The following UBE2J2 variants were observed in gnomAD, a reference collection of about 807,000 sequenced individuals.
UBE2J2 encodes ubiquitin-conjugating enzyme E2 J2.
UBE2J2 carries 5 observed loss-of-function variants against 28.6 expected under a neutral mutation model. That is an observed-to-expected ratio of 0.17 (90% confidence interval 0.09 to 0.37). The LOEUF is 0.37. UBE2J2 is among the 10% of genes least tolerant of loss of function. The pLI is 1.00. For missense variants in UBE2J2, 226 were observed against 338.9 expected (o/e 0.67, Z 2.62); for synonymous variants, 138 against 139.7 (o/e 0.99, Z 0.09).
chr1:1,266,018 T>C, intron 2 of UBE2J2: 1 of 1,290,944 alleles, frequency 7.7e-7, no homozygotes. Flanking sequence ...CACAGATTTG[T>C]GGGGAGGGAT....
chr1:1,263,416 T>C lies in UBE2J2; in HGVS notation c.132-30A>G, dbSNP rs778729792. On this transcript the variant is annotated intron_variant, in intron 2 of 6. Transcript: ENST00000349431. ...GGGAGAGAAGAAAATTACTTGGGAT[T>C]TGAGGACAGCAAATTCTCCAAAATC... The C allele has an allele frequency of 1.9e-6, 3 of 1,602,198 alleles. No homozygotes were observed. The Admixed American group carries it at 5.0e-5, about 27-fold the overall frequency.
chr1:1,257,902 G>A (rs1270495041), intron 3 of UBE2J2, among the ~76,000 whole-genome samples: 2 of 151,956 alleles, frequency 1.3e-5, no homozygotes, highest in African/African-American at 2.4e-5. Context: ...CCCTGGATTC[G>A]GGCCTCATTC....
rs1283814545 is a variant in UBE2J2 at position 1,254,100 on chromosome 1, C to T, written c.*1103G>A. Reference sequence around the variant, plus strand: ...GGGTTTCTTGCCGGCGGCCGTGCCCCACCTCGACGCGATGCACCTGCGGTA... The same window carrying T: ...GGGTTTCTTGCCGGCGGCCGTGCCCTACCTCGACGCGATGCACCTGCGGTA... On this transcript the variant is annotated 3_prime_UTR_variant, in exon 7 of 7. Coordinates refer to ENST00000349431, the MANE Select transcript of UBE2J2 (RefSeq NM_058167.3). 1.3e-5 allele frequency: 2 copies of T among 152,210 alleles called. No homozygotes were observed. Among genetic ancestry groups the T allele is most frequent in the Non-Finnish European group, 2.9e-5 (2 of 68,032 alleles). The allele number at this position is 152,210 out of a possible 1,614,324, so 9.4% of individuals were successfully genotyped here.
At position 1,267,832 on chromosome 1, in the gene UBE2J2, C is replaced by T. The variant is rs551137532; in HGVS notation, c.131+30G>A. 280 of 1,611,690 alleles carry T rather than the reference C, an allele frequency of 1.7e-4. No homozygotes were observed. In the South Asian group the frequency reaches 2.2e-3, roughly 12 times the overall value. On this transcript the variant is annotated intron_variant, in intron 2 of 6. Transcript: ENST00000349431. ...AGGCCTGCGTGGCAGCGACAGTCAG[C>T]GCAGGGCGATCAGTGGCGCGGAGCC...
Position 1,266,560 on chromosome 1 carries a change from G to A in UBE2J2, c.131+1302C>T, listed in dbSNP as rs192935756. Among the ~76,000 whole-genome samples, 828 of 152,162 alleles carry A rather than the reference G, an allele frequency of 5.4e-3. 6 individuals are homozygous for A. Among genetic ancestry groups the A allele is most frequent in the Middle Eastern group, 0.02 (6 of 294 alleles). ...AATAAGGCCGGGCGTGGTGGCTCAC[G>A]CCTGTAATCCCAGCATTCTGGGAGG... On this transcript the variant is annotated intron_variant, in intron 2 of 6. Transcript: ENST00000349431.
chr1:1,270,573 T>A (rs1272452304), intron 1 of UBE2J2, among the ~76,000 whole-genome samples: 1 of 152,130 alleles, frequency 6.6e-6, no homozygotes, highest in African/African-American at 2.4e-5. Flanking sequence ...ACTCTCATTA[T>A]CTTCTCTAAC....
chr1:1,260,763 G>C (rs987692069), intron 3 of UBE2J2, among the ~76,000 whole-genome samples: 3 of 152,240 alleles, frequency 2.0e-5, no homozygotes, highest in Admixed American at 1.3e-4. Context: ...CATCACTGGG[G>C]TAAGTCTTGA....
intron 3 of UBE2J2, among the ~76,000 whole-genome samples, chr1:1,260,503 G>A (rs114569858): frequency 0.014 from 2,119 of 152,308 alleles, 17 homozygotes; most frequent in Admixed American, 0.026. Context: ...CACCTATCGG[G>A]AAGCCCCAGA....
At chr1:1,259,249 A>C (rs1639407853) in intron 3 of UBE2J2, among the ~76,000 whole-genome samples, 1 of 149,880 alleles carries the variant, frequency 6.7e-6, no homozygotes, top group South Asian at 2.1e-4. Context: ...TCTGCATGCC[A>C]TCAGGACACG....
chr1:1,256,463 G>A, intron 5 of UBE2J2: 1 of 275,246 alleles, frequency 3.6e-6, no homozygotes, highest in South Asian at 4.1e-5. Flanking sequence ...GGGTGTGGAT[G>A]AGGCTGGATG....
intron 2 of UBE2J2, among the ~76,000 whole-genome samples, chr1:1,265,045 C>T (rs189989619): frequency 6.6e-6 from 1 of 152,168 alleles, no homozygotes; most frequent in Non-Finnish European, 1.5e-5. Flanking sequence ...GAGCTCAGCA[C>T]GCGATGCACC....
intron 1 of UBE2J2, among the ~76,000 whole-genome samples, chr1:1,269,784 C>T (rs532636481): frequency 2.0e-5 from 3 of 152,232 alleles, no homozygotes; most frequent in South Asian, 4.2e-4. Context: ...GATTTAATAA[C>T]GTCTGTGGAC....
chr1:1,254,469 C>T lies in UBE2J2; in HGVS notation c.*734G>A, dbSNP rs2101020520. ...TCTGCAGGTACCCAAGGCCCCCCAGCCTGCAGCACCGAGGGGCGCCCAGGA... is the reference window on the plus strand; with the variant it reads ...TCTGCAGGTACCCAAGGCCCCCCAGTCTGCAGCACCGAGGGGCGCCCAGGA... On this transcript the variant is annotated 3_prime_UTR_variant, in exon 7 of 7. Transcript: ENST00000349431. The T allele has an allele frequency of 6.6e-6, 1 of 152,382 alleles. No homozygotes were observed. The highest frequency in any genetic ancestry group is 2.1e-4 in the South Asian group (1 of 4,830). The allele number at this position is 152,382 out of a possible 1,614,324, so 9.4% of individuals were successfully genotyped here.
chr1:1,260,431 C>A (rs1286464951), intron 3 of UBE2J2, among the ~76,000 whole-genome samples: 1 of 152,162 alleles, frequency 6.6e-6, no homozygotes, highest in Non-Finnish European at 1.5e-5. Context: ...ACCCTGCTGC[C>A]TCACTGCGTG....
chr1:1,256,975 G>A lies in UBE2J2; in HGVS notation c.414+17C>T, dbSNP rs1245810459. On this transcript the variant is annotated intron_variant, in intron 5 of 6. Coordinates refer to ENST00000349431, the MANE Select transcript of UBE2J2 (RefSeq NM_058167.3). Reference sequence around the variant, plus strand: ...CACAAGGCTGACGGCCCACCAGGGAGAGGCTCTAAAACTTACCGTGAAGTC... The same window carrying A: ...CACAAGGCTGACGGCCCACCAGGGAAAGGCTCTAAAACTTACCGTGAAGTC... The A allele has an allele frequency of 1.3e-6, 2 of 1,482,906 alleles. No individual in the cohort carries two copies. The highest frequency in any genetic ancestry group is 1.4e-5 in the African/African-American group (1 of 69,026). 91.9% of individuals were successfully genotyped at this position (1,482,906 alleles called of 1,614,324 possible).
intron 2 of UBE2J2, chr1:1,265,982 G>C: frequency 6.0e-6 from 7 of 1,169,810 alleles, no homozygotes; most frequent in South Asian, 1.4e-5. Context: ...CATCGAACCT[G>C]CACCGGGACT....
chr1:1,265,826 G>T (rs968530284), intron 2 of UBE2J2, among the ~76,000 whole-genome samples: 1 of 151,986 alleles, frequency 6.6e-6, no homozygotes, highest in African/African-American at 2.4e-5. Context: ...GTAGAGACAG[G>T]GTTCCACCAT....
At position 1,255,424 on chromosome 1, in the gene UBE2J2, G is replaced by A. The variant is rs752550176; in HGVS notation, c.559C>T (p.Pro187Ser). The change falls in exon 7 of 7, where the codon CCA (proline) becomes TCA (serine). Residue 187 changes from proline (P) to serine (S), a missense_variant. By Grantham distance (74) the Pro-to-Ser change is moderately conservative. This residue lies in a region of UBE2J2 where 133 missense variants were observed against 161.5 expected (regional missense o/e 0.82). Coordinates refer to ENST00000349431, the MANE Select transcript of UBE2J2 (RefSeq NM_058167.3). The stretch of plus-strand genomic sequence containing the variant: ...GTCTCCCCGTCTGGAACCACGTCTG[G>A]CAAGGGGAGAGTCTGGGGTCTGCTA... ...LSSRPQTLPL[P>S]DVVPDGETHL... The A allele has an allele frequency of 5.6e-6, 9 of 1,613,934 alleles. No individual in the cohort carries two copies. The highest frequency in any genetic ancestry group is 7.6e-6 in the Non-Finnish European group (9 of 1,180,016).
At chr1:1,263,599 G>A in intron 2 of UBE2J2, 1 of 511,210 alleles carries the variant, frequency 2.0e-6, no homozygotes, top group East Asian at 3.1e-5. Context: ...CAGGATCTTA[G>A]AGACTATACT....
Sources: allele counts gnomAD v4.1 joint callset (sites outside exome capture counted in the v4.1 genomes callset), GRCh38; gene constraint gnomAD v4.1.1; regional missense constraint gnomAD v4.1.1; transcripts MANE v1.5; gene names NCBI Gene and HGNC (gene_info 2026-07-23, HGNC 2026-07-21).